Variants in SIGIRR observed in about 807,000 individuals in gnomAD.
The protein encoded by SIGIRR is single Ig and TIR domain containing.
SIGIRR carries 41 observed loss-of-function variants against 45.6 expected under a neutral mutation model. The ratio of observed to expected loss-of-function variants is 0.90; its 90% CI spans 0.70 to 1.17. SIGIRR has a LOEUF of 1.17. SIGIRR is among the 50% of genes most tolerant of loss of function. SIGIRR has a pLI of 0.00. For synonymous variants in SIGIRR, 298 were observed against 239.0 expected, an observed-to-expected ratio of 1.25 and a Z score of -2.28; for missense variants, 599 against 539.6, an observed-to-expected ratio of 1.11 and a Z score of -1.09.
In SIGIRR at chr11:405,958, C is replaced by T. The variant is rs140291506; in HGVS notation, c.1171G>A (p.Gly391Ser). Residue 391 changes from glycine to serine, a missense_variant, in exon 10 of 10, where the codon GGC becomes AGC. Coordinates refer to ENST00000431843, the MANE Select transcript of SIGIRR (RefSeq NM_001135054.2). ...GTGCGGGCACTGTAGTTTCGCGAGC[C>T]GAGATCCGAGACGTCCACTTCGCTG... ...RSSEVDVSDL[G>S]SRNYSARTDF... 1.2e-6 allele frequency: 2 copies of T among 1,612,220 alleles called. No homozygotes were observed. The highest frequency in any genetic ancestry group is 1.7e-6 in the Non-Finnish European group (2 of 1,179,618).
At position 408,871 on chromosome 11, in the gene SIGIRR, G is replaced by T; in HGVS notation, c.30C>A (p.Asp10Glu). The T allele has an allele frequency of 6.2e-7, 1 of 1,612,716 alleles. No individual in the cohort carries two copies. Among genetic ancestry groups the T allele is most frequent in the Non-Finnish European group, 8.5e-7 (1 of 1,179,968 alleles). Residue 10 changes from aspartate (D) to glutamate (E), a missense_variant, in exon 3 of 10, where the codon GAC becomes GAA. Asp to Glu is a conservative substitution (Grantham distance 45). Coordinates refer to ENST00000431843, the MANE Select transcript of SIGIRR (RefSeq NM_001135054.2). ...CCTGGTCTTCAGACGGGGAGAGGAAGTCAGGGGCCCTATCACAGACACCTG... is the reference window on the plus strand; with the variant it reads ...CCTGGTCTTCAGACGGGGAGAGGAATTCAGGGGCCCTATCACAGACACCTG... MPGVCDRAPDFLSPSEDQVL... is the reference protein window; with the variant it reads MPGVCDRAPEFLSPSEDQVL...
In SIGIRR at chr11:405,774, T is replaced by TTCCCAGGGCTGCTGGCAGGG. The variant is rs552367848; in HGVS notation, c.*102_*121dup. On this transcript the variant is annotated 3_prime_UTR_variant, in exon 10 of 10. Coordinates refer to ENST00000431843, the MANE Select transcript of SIGIRR (RefSeq NM_001135054.2). The stretch of plus-strand genomic sequence containing the variant: ...GGAGGCGCCCTGAGGCCACAGCCTT[T>TTCCCAGGGCTGCTGGCAGGG]TCCCAGGGCTGCTGGCAGGGTCCCA... 10,252 of 1,272,836 alleles carry TTCCCAGGGCTGCTGGCAGGG rather than the reference T, an allele frequency of 8.1e-3. 77 individuals carry two copies. The highest frequency in any genetic ancestry group is 0.01 in the Middle Eastern group (44 of 4,286). The allele number at this position is 1,272,836 out of a possible 1,614,324, so 78.8% of individuals were successfully genotyped here. A position where few individuals can be genotyped will look rare whatever the true frequency, so the allele number is the denominator to read the frequency against.
chr11:406,789 C>T (rs1847328762), intron 8 of SIGIRR, 54 bp downstream of exon 8: 2 of 1,457,730 alleles, frequency 1.4e-6, no homozygotes, highest in African/African-American at 1.4e-5. Context: ...AGCCCGGGCA[C>T]CGCCCATCTC....
chr11:407,639 C>T (rs1847405914), intron 5 of SIGIRR, 71 bp from the exon 6 acceptor site: 4 of 1,575,010 alleles, frequency 2.5e-6, no homozygotes, highest in South Asian at 2.3e-5. Context: ...CCCAACACCC[C>T]TAACCATCTC....
Position 409,413 on chromosome 11 carries a change from A to T in SIGIRR, c.7+455T>A, listed in dbSNP as rs566729104. 4 of 260,354 alleles carry T rather than the reference A, an allele frequency of 1.5e-5. No individual in the cohort carries two copies. The South Asian group carries it at 2.2e-4, about 14-fold the overall frequency. 16.1% of individuals were successfully genotyped at this position (260,354 alleles called of 1,614,324 possible). A position where few individuals can be genotyped will look rare whatever the true frequency, so the allele number is the denominator to read the frequency against. On this transcript the variant is annotated intron_variant, in intron 2 of 9. Transcript: ENST00000431843. ...CTGGGAGCCTGGAGCAGTTGGCCTC[A>T]TTCCTGCCTTGGGGGTCTTGGGGCC...
intron 2 of SIGIRR, chr11:409,160 C>T: frequency 1.9e-6 from 1 of 535,430 alleles, no homozygotes; most frequent in East Asian, 3.3e-5. Flanking sequence ...GCTCAAGCCC[C>T]ATCTGGCTGC....
chr11:408,788 G>C lies in SIGIRR; in HGVS notation c.113C>G (p.Ser38Cys). Residue 38 changes from serine to cysteine, a missense_variant, in exon 3 of 10, where the codon TCT becomes TGT. By Grantham distance (112) the Ser-to-Cys change is moderately radical. Transcript: ENST00000431843. ...TGAAGGCAGGGAGCAGTGGGGCCCA[G>C]AGACTACCCAAGCCGTGCAGTTCAG... is the stretch of plus-strand genomic sequence containing the variant. ...VALNCTAWVV[S>C]GPHCSLPSVQ... The C allele has an allele frequency of 6.2e-7, 1 of 1,612,780 alleles. No homozygotes were observed. Among genetic ancestry groups the C allele is most frequent in the Non-Finnish European group, 8.5e-7 (1 of 1,179,988 alleles).
Position 406,492 on chromosome 11 carries a change from C to A in SIGIRR, c.926G>T (p.Arg309Leu), listed in dbSNP as rs376778033. 52 of 1,611,470 alleles carry A rather than the reference C, an allele frequency of 3.2e-5. No individual in the cohort carries two copies. The highest frequency in any genetic ancestry group is 4.2e-5 in the Non-Finnish European group (50 of 1,179,066). The stretch of plus-strand genomic sequence containing the variant: ...TTCCACAGGCCTGTACTGCACCTTC[C>A]GCGGCAGCGCCAGCTGCACTTCTTT... ...FWKEVQLALP[R>L]KVQYRPVEGD... The change falls in exon 9 of 10, where the codon CGG becomes CTG. Residue 309 changes from arginine to leucine, a missense_variant. Coordinates refer to ENST00000431843, the MANE Select transcript of SIGIRR (RefSeq NM_001135054.2).
In SIGIRR at chr11:414,826, G is replaced by A. The variant is rs1847835868; in HGVS notation, c.-157C>T. 3.0e-6 allele frequency: 3 copies of A among 985,578 alleles called. No homozygotes were observed. The highest frequency in any genetic ancestry group is 3.6e-6 in the Non-Finnish European group (3 of 830,040). The allele number at this position is 985,578 out of a possible 1,614,324, so 61.1% of individuals were successfully genotyped here. On this transcript the variant is annotated 5_prime_UTR_variant, in exon 1 of 10. Coordinates refer to ENST00000431843, the MANE Select transcript of SIGIRR (RefSeq NM_001135054.2). ...GAGCAGCGGGGAAGGCAGTCACCTG[G>A]TTCCAGTTCTTTCCTCCGGGGGGCA...
At chr11:410,538 GGT>G (rs1847542463) in intron 1 of SIGIRR, among the ~76,000 whole-genome samples, 1 of 141,226 alleles carries the variant, frequency 7.1e-6, no homozygotes, top group East Asian at 2.1e-4. Flanking sequence ...ATGCAGTTGG[GGT>G]GGGGGTGCCC....
In SIGIRR at chr11:407,104, G is replaced by C; in HGVS notation, c.686C>G (p.Ser229Trp). Residue 229 changes from serine to tryptophan, a missense_variant, in exon 7 of 10, where the codon TCG becomes TGG. By Grantham distance (177) the Ser-to-Trp change is radical. Transcript: ENST00000431843. ...CCAGGCCCGGCTCAGGAAGGCGTCC[G>C]AAAGCACCACGATGAGGCGTCGGCA... ...SRCRRLIVVL[S>W]DAFLSRAWCS... is the part of the protein sequence containing the mutation. The C allele has an allele frequency of 6.3e-7, 1 of 1,575,814 alleles. No individual in the cohort carries two copies. Among genetic ancestry groups the C allele is most frequent in the Non-Finnish European group, 8.6e-7 (1 of 1,167,366 alleles).
chr11:406,081 G>A (rs1290669486), intron 9 of SIGIRR, 22 bp from the exon 10 acceptor site: 2 of 1,550,992 alleles, frequency 1.3e-6, no homozygotes, highest in Non-Finnish European at 1.7e-6. Context: ...AGACCGAGAC[G>A]CCTGAGGTGG....
At chr11:408,555 C>T (rs112985276) in intron 3 of SIGIRR, 140 bp downstream of exon 3, 23,827 of 1,004,322 alleles carry the variant, frequency 0.024, 411 homozygotes, top group East Asian at 0.054. Flanking sequence ...ACATTACTGA[C>T]CCTCCGTCTG....
chr11:415,465 G>C (rs1847857198), upstream of SIGIRR, among the ~76,000 whole-genome samples: 1 of 152,094 alleles, frequency 6.6e-6, no homozygotes, highest in African/African-American at 2.4e-5. This position sits in a 1 kb window ranked among gnomAD's most constrained non-coding sequence, Gnocchi z 6.6. Context: ...GACGCTACTA[G>C]AGCTCACACT....
intron 9 of SIGIRR, 84 bp downstream of exon 9, chr11:406,265 C>T (rs1847293793): frequency 4.5e-6 from 7 of 1,554,954 alleles, no homozygotes; most frequent in African/African-American, 1.4e-5. Flanking sequence ...CCTGGAGCCC[C>T]TCCAGGCCCT....
chr11:411,169 G>A (rs1847596674), intron 1 of SIGIRR, among the ~76,000 whole-genome samples: 2 of 21,862 alleles, frequency 9.1e-5, no homozygotes, highest in African/African-American at 3.9e-4. Flanking sequence ...GCCCAGCTCT[G>A]ACCATGTCTG....
chr11:406,243 G>A lies in SIGIRR; in HGVS notation c.1069+106C>T, dbSNP rs1316590325. The A allele has an allele frequency of 3.9e-6, 6 of 1,545,170 alleles. No homozygotes were observed. In the East Asian group the frequency reaches 1.2e-4, roughly 31 times the overall value. On this transcript the variant is annotated intron_variant, in intron 9 of 9. Transcript: ENST00000431843. ...GTGCAGGGGCTCCCGGTGCCGGGAA[G>A]AGTCCTCAACACCTGGAGCCCCTCC...
intron 8 of SIGIRR, 83 bp downstream of exon 8, chr11:406,760 C>T (rs1466363055): frequency 1.4e-6 from 2 of 1,439,920 alleles, no homozygotes; most frequent in African/African-American, 1.4e-5. Flanking sequence ...GAGCTCCCCA[C>T]GGAGGGGTCC....
intron 2 of SIGIRR, chr11:409,592 G>A (rs4076104): frequency 0.21 from 89,293 of 416,088 alleles, 13,061 homozygotes; most frequent in East Asian, 0.64. Context: ...ACACCCTGCT[G>A]TGGGCCCCAG....
Sources: allele counts gnomAD v4.1 joint callset (sites outside exome capture counted in the v4.1 genomes callset), GRCh38; gene constraint gnomAD v4.1.1; non-coding constraint Gnocchi (gnomAD v3.1); transcripts MANE v1.5; gene names NCBI Gene and HGNC (gene_info 2026-07-23, HGNC 2026-07-21).